Variants in CTNND2 observed in about 807,000 individuals in gnomAD.
The protein encoded by CTNND2 is catenin delta 2.
Under a neutral mutation model 144.4 loss-of-function variants are expected in CTNND2, and 22 were observed. That is an observed-to-expected ratio of 0.15 (90% CI 0.11 to 0.22). The LOEUF is 0.22. CTNND2 is among the 10% of genes least tolerant of loss of function. The pLI, the probability that CTNND2 is intolerant of heterozygous loss-of-function variation, is 1.00. For missense variants in CTNND2, 1,353 were observed against 1,618.8 expected (o/e 0.84, Z 2.82); for synonymous variants, 751 against 695.6 (o/e 1.08, Z -1.25).
intron 1 of CTNND2, among the ~76,000 whole-genome samples, chr5:11,896,584 T>C (rs1479439768): frequency 6.6e-6 from 1 of 152,126 alleles, no homozygotes; most frequent in South Asian, 2.1e-4. Context: ...AAAATAAATA[T>C]ATACTATTCT....
chr5:11,014,244 C>A (rs1741380698), intron 18 of CTNND2, among the ~76,000 whole-genome samples: 1 of 152,178 alleles, frequency 6.6e-6, no homozygotes, highest in African/African-American at 2.4e-5. Context: ...TCAAAACCAG[C>A]CATCCTGACA....
intron 12 of CTNND2, among the ~76,000 whole-genome samples, chr5:11,154,049 C>T (rs1463053279): frequency 1.3e-5 from 2 of 152,260 alleles, no homozygotes; most frequent in African/African-American, 2.4e-5. Context: ...GGATATGCAT[C>T]GGTGATATTT....
chr5:11,573,319 T>G (rs992795102), intron 2 of CTNND2, among the ~76,000 whole-genome samples: 1 of 152,200 alleles, frequency 6.6e-6, no homozygotes, highest in Non-Finnish European at 1.5e-5. Context: ...CTCTCCTCTC[T>G]GCACTGACCA....
intron 9 of CTNND2, among the ~76,000 whole-genome samples, chr5:11,294,569 G>A (rs1050987673): frequency 2.0e-5 from 3 of 152,074 alleles, no homozygotes; most frequent in African/African-American, 7.2e-5. Context: ...AACACTTTAA[G>A]CTTGACAGTT....
intron 3 of CTNND2, among the ~76,000 whole-genome samples, chr5:11,545,567 G>A (rs1775159691): frequency 6.7e-6 from 1 of 149,590 alleles, no homozygotes; most frequent in Admixed American, 6.8e-5. Flanking sequence ...GAGACTGAAG[G>A]CAGGAGAATT....
At chr5:11,426,223 T>C (rs1762759185) in intron 3 of CTNND2, among the ~76,000 whole-genome samples, 1 of 152,188 alleles carries the variant, frequency 6.6e-6, no homozygotes, top group Non-Finnish European at 1.5e-5. Context: ...TCAAGTGCTA[T>C]TGAATAATTT....
chr5:11,159,916 G>A (rs1406736229), intron 11 of CTNND2, among the ~76,000 whole-genome samples, 157 bp from the exon 12 acceptor site: 1 of 152,188 alleles, frequency 6.6e-6, no homozygotes, highest in Non-Finnish European at 1.5e-5. Context: ...ACATTCGTGT[G>A]AACCCATTAA....
intron 1 of CTNND2, among the ~76,000 whole-genome samples, chr5:11,802,025 C>A (rs1389078577): frequency 6.6e-6 from 1 of 152,068 alleles, no homozygotes; most frequent in Admixed American, 6.5e-5. Context: ...GTAATCCCAG[C>A]ACTTTAGGAG....
intron 2 of CTNND2, among the ~76,000 whole-genome samples, chr5:11,589,500 G>T (rs1779101112): frequency 1.3e-5 from 2 of 152,028 alleles, no homozygotes; most frequent in African/African-American, 2.4e-5. Flanking sequence ...AAATTATTTG[G>T]TTTTTTGAAA....
chr5:11,895,755 T>C (rs1402680176), intron 1 of CTNND2, among the ~76,000 whole-genome samples: 1 of 151,852 alleles, frequency 6.6e-6, no homozygotes, highest in African/African-American at 2.4e-5. Context: ...TAAATCAATT[T>C]TAAAAAAGGA....
chr5:11,105,362 A>G (rs1752323005), intron 14 of CTNND2, among the ~76,000 whole-genome samples: 3 of 152,218 alleles, frequency 2.0e-5, no homozygotes, highest in Admixed American at 2.0e-4. Flanking sequence ...CAGGGGGACA[A>G]GCGGCAATGT....
intron 2 of CTNND2, among the ~76,000 whole-genome samples, chr5:11,709,100 A>C (rs1436131682): frequency 1.3e-5 from 2 of 152,168 alleles, no homozygotes; most frequent in African/African-American, 4.8e-5. Flanking sequence ...TTCCCAAGAG[A>C]GCAAGAACTG....
At chr5:11,138,488 G>A (rs749540152) in intron 12 of CTNND2, among the ~76,000 whole-genome samples, 3 of 152,184 alleles carry the variant, frequency 2.0e-5, no homozygotes, top group Non-Finnish European at 2.9e-5. Context: ...GGGTCAGTGC[G>A]TGTCCTGACA....
At chr5:11,322,071 C>G (rs1232240322) in intron 9 of CTNND2, among the ~76,000 whole-genome samples, 1 of 152,182 alleles carries the variant, frequency 6.6e-6, no homozygotes. Flanking sequence ...CTGCAACTCC[C>G]ATGATCAGTA....
chr5:11,631,520 G>GCA (rs200181994), intron 2 of CTNND2, among the ~76,000 whole-genome samples: 3,066 of 152,270 alleles, frequency 0.02, 108 homozygotes, highest in African/African-American at 0.07. Context: ...CAATGTGAGA[G>GCA]AAGCTGTACT....
intron 9 of CTNND2, among the ~76,000 whole-genome samples, chr5:11,345,563 C>T (rs763062758): frequency 6.6e-6 from 1 of 152,194 alleles, no homozygotes; most frequent in Non-Finnish European, 1.5e-5. Context: ...ATTTTAAGTA[C>T]AAGACCAGAG....
At chr5:11,696,555 G>T (rs1429069260) in intron 2 of CTNND2, among the ~76,000 whole-genome samples, 1 of 152,188 alleles carries the variant, frequency 6.6e-6, no homozygotes, top group Non-Finnish European at 1.5e-5. Flanking sequence ...CTGATCAACA[G>T]CAGATATTTT....
At chr5:11,110,747 G>T in intron 14 of CTNND2, 111 bp downstream of exon 14, 3 of 1,061,698 alleles carry the variant, frequency 2.8e-6, no homozygotes, top group South Asian at 1.8e-5. Flanking sequence ...ATGCATTAGT[G>T]ATTTTACCTC....
intron 2 of CTNND2, among the ~76,000 whole-genome samples, chr5:11,724,053 TCAA>T (rs1237958847): frequency 1.5e-5 from 2 of 133,326 alleles, no homozygotes; most frequent in East Asian, 2.3e-4. Context: ...AGGCTTCATT[TCAA>T]AAAAAAAAAA....
Sources: allele counts gnomAD v4.1 joint callset (sites outside exome capture counted in the v4.1 genomes callset), GRCh38; gene constraint gnomAD v4.1.1; transcripts MANE v1.5; gene names NCBI Gene and HGNC (gene_info 2026-07-23, HGNC 2026-07-21).